SPIDR: variants seen among roughly 807,000 people sequenced by gnomAD.
SPIDR encodes the protein scaffold protein involved in DNA repair, also known as DNA repair-scaffolding protein.
Under a neutral mutation model 104.6 loss-of-function variants are expected in SPIDR, and 93 were observed. The observed-to-expected ratio is 0.89, with a 90% CI of 0.75 to 1.06. The LOEUF (loss-of-function observed/expected upper bound fraction) is 1.06. SPIDR is among the 50% of genes least tolerant of loss of function. The pLI is 0.00. For synonymous variants in SPIDR, 431 were observed against 416.9 expected (o/e 1.03, Z -0.41); for missense variants, 1,154 against 1,111.2 (o/e 1.04, Z -0.55).
intron 4 of SPIDR, among the ~76,000 whole-genome samples, chr8:47,292,128 A>G (rs1372106957): frequency 6.6e-6 from 1 of 152,178 alleles, no homozygotes; most frequent in East Asian, 1.9e-4. Context: ...AATTATGGAA[A>G]TCATGTCCTT....
intron 5 of SPIDR, among the ~76,000 whole-genome samples, chr8:47,365,690 A>G (rs2057065582): frequency 6.6e-6 from 1 of 152,196 alleles, no homozygotes; most frequent in African/African-American, 2.4e-5. Context: ...ATTTAATTGA[A>G]ACATGAAATA....
chr8:47,403,543 C>T (rs1362287046), intron 6 of SPIDR, among the ~76,000 whole-genome samples: 1 of 152,156 alleles, frequency 6.6e-6, no homozygotes, highest in Admixed American at 6.5e-5. Flanking sequence ...AAATCACAAG[C>T]ATTCTTATAC....
At chr8:47,562,571 A>G (rs2057216926) in intron 8 of SPIDR, among the ~76,000 whole-genome samples, 1 of 152,152 alleles carries the variant, frequency 6.6e-6, no homozygotes, top group African/African-American at 2.4e-5. Context: ...AAAAGCTGAG[A>G]GATGTCATTG....
chr8:47,328,782 C>T (rs1161276937), intron 5 of SPIDR, among the ~76,000 whole-genome samples: 3 of 152,026 alleles, frequency 2.0e-5, no homozygotes, highest in African/African-American at 4.8e-5. Flanking sequence ...CATCTATGTA[C>T]ACCAGTTTAC....
chr8:47,503,775 G>A (rs1586804510), intron 8 of SPIDR, among the ~76,000 whole-genome samples: 3 of 152,222 alleles, frequency 2.0e-5, no homozygotes, highest in South Asian at 2.1e-4. Context: ...GCTGGTACCG[G>A]TTGTTCCTTT....
intron 8 of SPIDR, among the ~76,000 whole-genome samples, chr8:47,540,163 A>T (rs1209831363): frequency 6.6e-6 from 1 of 152,192 alleles, no homozygotes; most frequent in Non-Finnish European, 1.5e-5. Flanking sequence ...GAATAATATC[A>T]TAAGAAGGTT....
At chr8:47,697,020 C>CA (rs930910461) in intron 11 of SPIDR, among the ~76,000 whole-genome samples, 1 of 152,162 alleles carries the variant, frequency 6.6e-6, no homozygotes, top group Non-Finnish European at 1.5e-5. Flanking sequence ...AGCCCAGTCT[C>CA]AGTCTCTCCA....
chr8:47,368,752 T>C (rs1221577759), intron 5 of SPIDR, among the ~76,000 whole-genome samples: 1 of 152,192 alleles, frequency 6.6e-6, no homozygotes, highest in East Asian at 1.9e-4. Context: ...CAATATTCAG[T>C]TTCCTGTTTA....
intron 8 of SPIDR, among the ~76,000 whole-genome samples, chr8:47,524,475 A>G (rs2084670629): frequency 6.6e-6 from 1 of 152,170 alleles, no homozygotes; most frequent in South Asian, 2.1e-4. Flanking sequence ...TAGGTCAGCC[A>G]TGGGCAGCAG....
intron 8 of SPIDR, among the ~76,000 whole-genome samples, chr8:47,497,700 A>AT (rs1052107317): frequency 4.6e-5 from 7 of 152,090 alleles, no homozygotes; most frequent in Admixed American, 2.6e-4. Flanking sequence ...ATTTTGCTTG[A>AT]TTTTTTTTGG....
chr8:47,586,191 A>T (rs2060230409), intron 8 of SPIDR, among the ~76,000 whole-genome samples: 1 of 152,212 alleles, frequency 6.6e-6, no homozygotes, highest in African/African-American at 2.4e-5. Context: ...AGCTGCTAAC[A>T]TTCATATGTA....
intron 19 of SPIDR, among the ~76,000 whole-genome samples, chr8:47,733,885 C>T (rs1046823446): frequency 1.3e-5 from 2 of 152,118 alleles, no homozygotes; most frequent in African/African-American, 4.8e-5. Flanking sequence ...ATTAAACCAT[C>T]CTGTTGACTT....
chr8:47,391,995 CA>C (rs556134389), intron 5 of SPIDR, among the ~76,000 whole-genome samples: 639 of 46,464 alleles, frequency 0.014, no homozygotes, highest in African/African-American at 0.026. Flanking sequence ...GACTCCGTCT[CA>C]AAAAAAAAAA....
At chr8:47,533,018 C>G (rs1410676279) in intron 8 of SPIDR, among the ~76,000 whole-genome samples, 1 of 151,768 alleles carries the variant, frequency 6.6e-6, no homozygotes, top group Admixed American at 6.6e-5. Flanking sequence ...TCAAGAAATC[C>G]CAAGAGAAAT....
At chr8:47,431,904 T>C (rs2067424912) in intron 7 of SPIDR, among the ~76,000 whole-genome samples, 1 of 152,226 alleles carries the variant, frequency 6.6e-6, no homozygotes, top group Non-Finnish European at 1.5e-5. Flanking sequence ...CAAAAATGAA[T>C]TGTGCTCTTC....
chr8:47,408,776 A>G (rs1459240544), intron 7 of SPIDR, among the ~76,000 whole-genome samples: 1 of 152,208 alleles, frequency 6.6e-6, no homozygotes, highest in African/African-American at 2.4e-5. Context: ...AAATCAACAT[A>G]CCAAAATCAA....
At position 47,520,694 on chromosome 8, in the gene SPIDR, A is replaced by G. The variant is rs918171853; in HGVS notation, c.1098-75117A>G. Among the ~76,000 whole-genome samples, 14 of 152,308 alleles carry G rather than the reference A, an allele frequency of 9.2e-5. No individual in the cohort carries two copies. The East Asian group carries it at 2.5e-3, about 27-fold the overall frequency. On this transcript the variant is annotated intron_variant, in intron 8 of 19. Coordinates refer to ENST00000297423, the MANE Select transcript of SPIDR (RefSeq NM_001080394.4). ...AAATGGAAGGGAGGTATTACTGTAAATTTGCAGATGGGGAAACTGAAGTCA... is the reference window on the plus strand; with the variant it reads ...AAATGGAAGGGAGGTATTACTGTAAGTTTGCAGATGGGGAAACTGAAGTCA...
chr8:47,565,993 T>TATATA (rs1491137131), intron 8 of SPIDR, among the ~76,000 whole-genome samples: 1 of 28,802 alleles, frequency 3.5e-5, no homozygotes, highest in Non-Finnish European at 7.1e-5. Context: ...TATATATATA[T>TATATA]TTTTTTTTTT....
At chr8:47,535,851 C>T (rs1022959057) in intron 8 of SPIDR, among the ~76,000 whole-genome samples, 1 of 152,068 alleles carries the variant, frequency 6.6e-6, no homozygotes, top group South Asian at 2.1e-4. Flanking sequence ...CTTTTCACCA[C>T]TCACAGATTG....
Sources: allele counts gnomAD v4.1 joint callset (sites outside exome capture counted in the v4.1 genomes callset), GRCh38; gene constraint gnomAD v4.1.1; transcripts MANE v1.5; gene names NCBI Gene and HGNC (gene_info 2026-07-23, HGNC 2026-07-21).